RAE1: variants seen among roughly 807,000 people sequenced by gnomAD.
RAE1 encodes the protein mRNA export factor RAE1.
RAE1 carries 13 observed loss-of-function variants against 52.7 expected under a neutral mutation model. That is an observed-to-expected ratio of 0.25 (90% CI 0.16 to 0.39). RAE1 has a LOEUF of 0.39. Among genes scored for constraint, RAE1 ranks in the 10% least tolerant of loss-of-function variants. The probability of loss-of-function intolerance (pLI) is 1.00; values close to 1 mark genes in which losing one functional copy is unlikely to be tolerated. For missense variants in RAE1, 262 were observed against 459.8 expected (o/e 0.57, Z 3.93); for synonymous variants, 164 against 153.1 (o/e 1.07, Z -0.52).
intron 11 of RAE1, among the ~76,000 whole-genome samples, chr20:57,375,624 A>G (rs1241446161): frequency 6.6e-6 from 1 of 152,134 alleles, no homozygotes; most frequent in Non-Finnish European, 1.5e-5. Flanking sequence ...GGCTCGAGGA[A>G]CCATTTCCAT....
chr20:57,366,064 T>C (rs2066949839), intron 5 of RAE1, among the ~76,000 whole-genome samples: 1 of 152,182 alleles, frequency 6.6e-6, no homozygotes, highest in Admixed American at 6.5e-5. Context: ...TGCTGTGTGC[T>C]AGAAACATCT....
chr20:57,365,282 G>T, intron 4 of RAE1, 74 bp from the exon 5 acceptor site: 1 of 1,091,134 alleles, frequency 9.2e-7, no homozygotes, highest in Non-Finnish European at 1.3e-6. Flanking sequence ...TATGTTCAAC[G>T]TAGTATCTAA....
At chr20:57,358,969 A>C in intron 4 of RAE1, 2 of 1,474,458 alleles carry the variant, frequency 1.4e-6, no homozygotes, top group Non-Finnish European at 1.8e-6. Flanking sequence ...ATTTGTTTAT[A>C]TCCGCCTCTT....
chr20:57,369,968 T>C (rs150632112), intron 8 of RAE1, among the ~76,000 whole-genome samples: 219 of 152,122 alleles, frequency 1.4e-3, no homozygotes, highest in African/African-American at 5.0e-3. Flanking sequence ...TCCAGCCTTC[T>C]CAGGAACCGT....
chr20:57,362,502 G>A (rs1230586321), intron 4 of RAE1, among the ~76,000 whole-genome samples: 1 of 152,186 alleles, frequency 6.6e-6, no homozygotes, highest in African/African-American at 2.4e-5. Context: ...ATCGGGCAAC[G>A]GGTCAGAATT....
chr20:57,356,423 A>C (rs1371282736), intron 3 of RAE1, 23 bp from the exon 4 acceptor site: 5 of 1,588,540 alleles, frequency 3.1e-6, no homozygotes, highest in Admixed American at 1.7e-5. Flanking sequence ...CTTTGTTTGC[A>C]TTGAATTTTT....
Position 57,353,314 on chromosome 20 carries a change from A to G in RAE1, c.-7-718A>G, listed in dbSNP as rs535626580. On this transcript the variant is annotated intron_variant, in intron 1 of 11. Transcript: ENST00000395841. Reference sequence around the variant, plus strand: ...CCTGGAGAATGTGTTAATGTTCTCTATGTTTGCAGAGCAGGAAAATGAAGA... The same window carrying G: ...CCTGGAGAATGTGTTAATGTTCTCTGTGTTTGCAGAGCAGGAAAATGAAGA... Among the ~76,000 whole-genome samples, 39 of 152,350 alleles carry G rather than the reference A, an allele frequency of 2.6e-4. No individual in the cohort carries two copies. In the South Asian group the frequency reaches 6.0e-3, roughly 23 times the overall value.
intron 2 of RAE1, 88 bp from the exon 3 acceptor site, chr20:57,354,624 C>A: frequency 1.1e-6 from 1 of 892,978 alleles, no homozygotes; most frequent in Non-Finnish European, 1.7e-6. Context: ...CAAGGAAAGG[C>A]CACCGTGAGG....
chr20:57,374,434 G>A (rs1456766784), intron 10 of RAE1, among the ~76,000 whole-genome samples, 173 bp from the exon 11 acceptor site: 2 of 152,184 alleles, frequency 1.3e-5, no homozygotes, highest in Non-Finnish European at 2.9e-5. Context: ...TGGGTTCTGG[G>A]CTGGCATTTG....
At chr20:57,365,566 T>C in intron 5 of RAE1, 124 bp downstream of exon 5, 1 of 635,242 alleles carries the variant, frequency 1.6e-6, no homozygotes, top group South Asian at 2.9e-5. Context: ...TCAAATCAAT[T>C]AGACAATATA....
rs6070082 is a variant in RAE1 at position 57,362,217 on chromosome 20, T to C, written c.289-3139T>C. Among the ~76,000 whole-genome samples, 395 of 152,340 alleles carry C rather than the reference T, an allele frequency of 2.6e-3. 2 individuals carry two copies. Among genetic ancestry groups the C allele is most frequent in the Non-Finnish European group, 4.4e-3 (301 of 68,026 alleles). On this transcript the variant is annotated intron_variant, in intron 4 of 11. Coordinates refer to ENST00000395841, the MANE Select transcript of RAE1 (RefSeq NM_003610.4). Reference sequence around the variant, plus strand: ...ATTTAGCTTATATATAAGAAATAATTCTGTGTATAAACATTTTGACATAGT... The same window carrying C: ...ATTTAGCTTATATATAAGAAATAATCCTGTGTATAAACATTTTGACATAGT...
chr20:57,359,746 G>A (rs914481034), intron 4 of RAE1: 2 of 152,216 alleles, frequency 1.3e-5, no homozygotes, highest in African/African-American at 2.4e-5. Context: ...GTCTGGTTTC[G>A]GGGGACTTGG....
chr20:57,356,637 A>C, intron 4 of RAE1, 99 bp downstream of exon 4: 1 of 1,063,386 alleles, frequency 9.4e-7, no homozygotes, highest in South Asian at 1.9e-5. Context: ...ATGTGTTCAT[A>C]TTGTAGGAAT....
intron 5 of RAE1, 151 bp from the exon 6 acceptor site, chr20:57,366,656 A>G: frequency 1.4e-6 from 1 of 731,024 alleles, no homozygotes; most frequent in South Asian, 1.6e-5. Context: ...TCAGTGAGGA[A>G]GGATTGGTAA....
intron 9 of RAE1, 32 bp downstream of exon 9, chr20:57,373,613 A>T: frequency 6.2e-7 from 1 of 1,613,192 alleles, no homozygotes; most frequent in South Asian, 1.1e-5. Context: ...TGCAGATTTC[A>T]CTGGACTTTT....
At chr20:57,358,959 A>G in intron 4 of RAE1, 2 of 1,454,842 alleles carry the variant, frequency 1.4e-6, no homozygotes, top group Non-Finnish European at 1.8e-6. Flanking sequence ...TTCTCGTCTT[A>G]TTTGTTTATA....
chr20:57,368,591 A>G (rs1379476820), intron 7 of RAE1, 114 bp from the exon 8 acceptor site: 4 of 619,368 alleles, frequency 6.5e-6, no homozygotes, highest in Non-Finnish European at 2.9e-6. Context: ...ATATAATCCC[A>G]GGATTATTAA....
In RAE1 at chr20:57,379,030, G is replaced by C. The variant is rs761295209; in HGVS notation, c.*931G>C. ...GGGCTGAGAAAAAGTGTGACTTTTG[G>C]GTCTGTCACTGTATTTCTCACCTGT... On this transcript the variant is annotated 3_prime_UTR_variant, in exon 12 of 12. Transcript: ENST00000395841. 5 of 152,064 alleles carry C rather than the reference G, an allele frequency of 3.3e-5. No individual in the cohort carries two copies. Among genetic ancestry groups the C allele is most frequent in the Non-Finnish European group, 7.4e-5 (5 of 68,016 alleles). 9.4% of individuals were successfully genotyped at this position (152,064 alleles called of 1,614,324 possible).
chr20:57,364,967 C>A (rs2066935250), intron 4 of RAE1, among the ~76,000 whole-genome samples: 1 of 152,068 alleles, frequency 6.6e-6, no homozygotes, highest in South Asian at 2.1e-4. Flanking sequence ...ATGTGAAGTG[C>A]TTATGGGTAT....
Sources: gnomAD v4.1 joint callset for allele counts (sites outside exome capture counted in the v4.1 genomes callset) on GRCh38, gnomAD v4.1.1 for gene constraint, MANE v1.5 for transcripts, NCBI Gene and HGNC (gene_info 2026-07-23, HGNC 2026-07-21) for gene names.